Variants in RPL26 observed in about 807,000 individuals in gnomAD.
RPL26 encodes ribosomal protein L26, also known as large ribosomal subunit protein uL24.
A neutral mutation model predicts 16.2 loss-of-function variants in RPL26; 1 was observed. The observed-to-expected ratio is 0.06, with a 90% CI of 0.02 to 0.29. The LOEUF is 0.29. RPL26 is among the 10% of genes least tolerant of loss of function. The pLI is 1.00. For missense variants in RPL26, 102 were observed against 184.3 expected (o/e 0.55, Z 2.58); for synonymous variants, 55 against 62.4 (o/e 0.88, Z 0.56).
chr17:8,380,092 G>GA (rs570952146), intron 2 of RPL26, 156 bp from the exon 3 acceptor site: 3 of 604,894 alleles, frequency 5.0e-6, no homozygotes, highest in South Asian at 4.6e-5. Flanking sequence ...TGACAACAAG[G>GA]AATCTGTTAC....
chr17:8,382,028 G>A, intron 2 of RPL26, 115 bp downstream of exon 2: 2 of 878,680 alleles, frequency 2.3e-6, no homozygotes, highest in African/African-American at 1.7e-5. Context: ...AACTCATCTT[G>A]CCACTCTTTG....
intron 3 of RPL26, among the ~76,000 whole-genome samples, chr17:8,378,259 G>GT (rs563868121): frequency 2.9e-4 from 44 of 152,220 alleles, no homozygotes; most frequent in Middle Eastern, 3.4e-3. Context: ...GGAACCCTGG[G>GT]GGGGCGGAGG....
At chr17:8,380,392 G>A (rs1250533832) in intron 2 of RPL26, among the ~76,000 whole-genome samples, 3 of 152,146 alleles carry the variant, frequency 2.0e-5, no homozygotes, top group Non-Finnish European at 4.4e-5. Context: ...AGGGACCAAC[G>A]GCTGTTCTCA....
chr17:8,380,422 G>C (rs1167329056), intron 2 of RPL26, among the ~76,000 whole-genome samples: 1 of 152,158 alleles, frequency 6.6e-6, no homozygotes, highest in Non-Finnish European at 1.5e-5. Flanking sequence ...GCTTGTTTGG[G>C]AACCCATTTC....
chr17:8,378,232 G>A (rs1030513811), intron 3 of RPL26, among the ~76,000 whole-genome samples: 1 of 149,678 alleles, frequency 6.7e-6, no homozygotes, highest in African/African-American at 2.4e-5. Flanking sequence ...CTGGGAGGCT[G>A]AGGCAGGAGA....
At chr17:8,380,200 C>T (rs923184258) in intron 2 of RPL26, 7 of 378,130 alleles carry the variant, frequency 1.9e-5, no homozygotes, top group African/African-American at 4.1e-5. Context: ...AAATGCTTAA[C>T]GGAACAAACC....
At chr17:8,382,115 GACA>G (rs1272921615) in intron 2 of RPL26, 25 bp downstream of exon 2, 1 of 1,596,654 alleles carries the variant, frequency 6.3e-7, no homozygotes, top group African/African-American at 1.3e-5. Context: ...TATCCATCAA[GACA>G]ACGAGAACAA....
chr17:8,379,301 A>T (rs1260819808), intron 3 of RPL26: 1 of 155,928 alleles, frequency 6.4e-6, no homozygotes, highest in Non-Finnish European at 1.4e-5. Context: ...TGGGACAGGC[A>T]TGGTGGCTCA....
At chr17:8,377,713 A>G in intron 3 of RPL26, 21 bp from the exon 4 acceptor site, 1 of 1,597,154 alleles carries the variant, frequency 6.3e-7, no homozygotes, top group East Asian at 2.2e-5. Context: ...ATAAGAAAAA[A>G]ACACTCCCAA....
rs770302494 is a variant in RPL26 at position 8,377,606 on chromosome 17, C to G, written c.396G>C (p.Lys132Asn). The change falls in exon 4 of 4, where the codon AAG (lysine) becomes AAC (asparagine). Residue 132 changes from lysine (K) to asparagine (N), a missense_variant. Transcript: ENST00000648839. ...KAKSRQVGKEKGKYKEETIEK... is the reference protein window; with the variant it reads ...KAKSRQVGKENGKYKEETIEK... ...CAATGGTTTCTTCCTTGTATTTGCC[C>G]TTTTCCTTTCCTACTTGGCGAGATT... 6.9e-6 allele frequency: 11 copies of G among 1,605,400 alleles called. No individual in the cohort carries two copies. The highest frequency in any genetic ancestry group is 9.3e-6 in the Non-Finnish European group (11 of 1,179,428).
At chr17:8,380,212 A>T (rs979388170) in intron 2 of RPL26, 3 of 345,372 alleles carry the variant, frequency 8.7e-6, no homozygotes, top group Non-Finnish European at 1.6e-5. Flanking sequence ...GAACAAACCA[A>T]TTCTTTCCCA....
chr17:8,380,339 GAC>G (rs1447074626), intron 2 of RPL26, among the ~76,000 whole-genome samples: 1 of 152,188 alleles, frequency 6.6e-6, no homozygotes, highest in Non-Finnish European at 1.5e-5. Flanking sequence ...AAACAGAGAT[GAC>G]AGTTTTCAAG....
At chr17:8,382,734 G>A (rs1350128951) in intron 1 of RPL26, 2 of 312,538 alleles carry the variant, frequency 6.4e-6, no homozygotes, top group Non-Finnish European at 1.2e-5. Flanking sequence ...GCTTAAGAGT[G>A]AATACGTATA....
At position 8,382,503 on chromosome 17, in the gene RPL26, T is replaced by G. The variant is rs1053545676; in HGVS notation, c.-5-188A>C. The G allele has an allele frequency of 2.2e-4, 124 of 551,480 alleles. 1 individual carries two copies. The highest frequency in any genetic ancestry group is 8.7e-4 in the Admixed American group (26 of 29,972). 34.2% of individuals were successfully genotyped at this position (551,480 alleles called of 1,614,324 possible). On this transcript the variant is annotated intron_variant, in intron 1 of 3. Transcript: ENST00000648839. ...AGCTCGAAACTTTTTATTTTTTGTT[T>G]TATTCGGGTGTTTTCTGTATATGTT...
At chr17:8,382,038 G>T in intron 2 of RPL26, 105 bp downstream of exon 2, 2 of 990,052 alleles carry the variant, frequency 2.0e-6, no homozygotes, top group South Asian at 1.5e-5. Context: ...GCCACTCTTT[G>T]GGAGCAAGAG....
In RPL26 at chr17:8,382,907, G is replaced by GAC. The variant is rs1907492676; in HGVS notation, c.-6+248_-6+249dup. On this transcript the variant is annotated intron_variant, in intron 1 of 3. Transcript: ENST00000648839. ...ATTCTCTAGGAAACGACACTACCCA[G>GAC]ACTCCAGTCTATTTCCACAGGCTCC... 1.3e-5 allele frequency: 5 copies of GAC among 396,980 alleles called. No individual in the cohort carries two copies. In the Admixed American group the frequency reaches 2.2e-4, roughly 17 times the overall value. 24.6% of individuals were successfully genotyped at this position (396,980 alleles called of 1,614,324 possible).
rs1597493326 is a variant in RPL26, at chr17:8,377,899, G to C, written c.310-207C>G. Among the ~76,000 whole-genome samples the C allele has an allele frequency of 3.3e-5, 5 of 152,202 alleles. No individual in the cohort carries two copies. In the East Asian group the frequency reaches 7.7e-4, roughly 23 times the overall value. Reference sequence around the variant, plus strand: ...AATTTCCTACCAACAAAGGAGAAAAGGCAAGATGGTATCAGTAATTCTTAA... The same window carrying C: ...AATTTCCTACCAACAAAGGAGAAAACGCAAGATGGTATCAGTAATTCTTAA... On this transcript the variant is annotated intron_variant, in intron 3 of 3. Coordinates refer to ENST00000648839, the MANE Select transcript of RPL26 (RefSeq NM_000987.5).
intron 3 of RPL26, 177 bp from the exon 4 acceptor site, chr17:8,377,869 T>C: frequency 1.9e-5 from 10 of 526,800 alleles, no homozygotes; most frequent in Non-Finnish European, 1.6e-5. Context: ...CCTGGCTTAT[T>C]TACTAATTTC....
At chr17:8,380,715 T>C (rs1445070973) in intron 2 of RPL26, 3 of 152,298 alleles carry the variant, frequency 2.0e-5, no homozygotes, top group South Asian at 2.1e-4. Flanking sequence ...TTTCCAAAAA[T>C]TGCCAACAGT....
Sources: allele counts gnomAD v4.1 joint callset (sites outside exome capture counted in the v4.1 genomes callset), GRCh38; gene constraint gnomAD v4.1.1; transcripts MANE v1.5; gene names NCBI Gene and HGNC (gene_info 2026-07-23, HGNC 2026-07-21).